SPTLC2: variants seen among roughly 807,000 people sequenced by gnomAD.
The protein encoded by SPTLC2 is serine palmitoyltransferase 2.
A neutral mutation model predicts 62.0 loss-of-function variants in SPTLC2; 21 were observed. The ratio of observed to expected loss-of-function variants is 0.34; its 90% confidence interval spans 0.24 to 0.49. SPTLC2 has a LOEUF of 0.49. SPTLC2 is among the 20% of genes least tolerant of loss of function. The pLI is 0.99. For synonymous variants in SPTLC2, 261 were observed against 261.8 expected (o/e 1.00, Z 0.03); for missense variants, 511 against 713.0 (o/e 0.72, Z 3.23).
intron 9 of SPTLC2, among the ~76,000 whole-genome samples, chr14:77,551,398 A>G (rs966571079): frequency 1.3e-5 from 2 of 151,342 alleles, no homozygotes; most frequent in East Asian, 3.9e-4. Flanking sequence ...CTCAAAAAAA[A>G]AAAAAAAAAA....
At chr14:77,542,324 A>T (rs1001509269) in intron 9 of SPTLC2, among the ~76,000 whole-genome samples, 2 of 152,208 alleles carry the variant, frequency 1.3e-5, no homozygotes, top group Admixed American at 1.3e-4. Flanking sequence ...AACAGGACAG[A>T]TTGATTTTAA....
Position 77,513,828 on chromosome 14 carries a change from G to A in SPTLC2, c.1570-1425C>T, listed in dbSNP as rs189341632. On this transcript the variant is annotated intron_variant, in intron 11 of 11. Coordinates refer to ENST00000216484, the MANE Select transcript of SPTLC2 (RefSeq NM_004863.4). ...GAGAATCGCTTGAACCCAGGGGGCG[G>A]AGGCTGCGGTGAGTTGAGTTCATGC... Among the ~76,000 whole-genome samples the A allele has an allele frequency of 1.3e-3, 190 of 151,774 alleles. 1 individual carries two copies. The highest frequency in any genetic ancestry group is 2.3e-3 in the Non-Finnish European group (154 of 67,988).
At chr14:77,577,854 G>C (rs906700422) in intron 3 of SPTLC2, among the ~76,000 whole-genome samples, 2 of 152,086 alleles carry the variant, frequency 1.3e-5, no homozygotes, top group African/African-American at 4.8e-5. Context: ...AAGCCAAGAT[G>C]GTGCCACTGC....
chr14:77,525,103 T>C (rs919124690), intron 9 of SPTLC2, among the ~76,000 whole-genome samples: 1 of 151,938 alleles, frequency 6.6e-6, no homozygotes, highest in South Asian at 2.1e-4. Context: ...CAAAATATCA[T>C]ATGTACCCCA....
intron 5 of SPTLC2, among the ~76,000 whole-genome samples, chr14:77,568,444 C>T (rs767603248): frequency 7.9e-5 from 12 of 152,180 alleles, no homozygotes; most frequent in Non-Finnish European, 1.6e-4. Flanking sequence ...ATTAGGTCAA[C>T]TGGTTGACAG....
At chr14:77,562,922 C>T (rs1325015679) in intron 5 of SPTLC2, among the ~76,000 whole-genome samples, 1 of 152,182 alleles carries the variant, frequency 6.6e-6, no homozygotes, top group Non-Finnish European at 1.5e-5. Flanking sequence ...CACTACTACT[C>T]ATATCCAGAG....
chr14:77,575,631 G>A lies in SPTLC2; in HGVS notation c.631+1136C>T, dbSNP rs72683276. 3.6e-3 allele frequency among the ~76,000 whole-genome samples: 553 copies of A among 152,270 alleles called. 1 individual carries two copies. Among genetic ancestry groups the A allele is most frequent in the Non-Finnish European group, 6.5e-3 (442 of 68,020 alleles). ...ACTGCAGCCTCAAACTCCTTGGCTC[G>A]AGGGATGCTCTGGCCTCAGCCTCCT... On this transcript the variant is annotated intron_variant, in intron 4 of 11. Coordinates refer to ENST00000216484, the MANE Select transcript of SPTLC2 (RefSeq NM_004863.4).
rs969662841 is a variant in SPTLC2 at position 77,510,777 on chromosome 14, A to T, written c.*1507T>A. 6.6e-6 allele frequency: 1 copy of T among 152,484 alleles called. No individual in the cohort carries two copies. Among genetic ancestry groups the T allele is most frequent in the Non-Finnish European group, 1.5e-5 (1 of 68,040 alleles). 9.4% of individuals were successfully genotyped at this position (152,484 alleles called of 1,614,324 possible). On this transcript the variant is annotated 3_prime_UTR_variant, in exon 12 of 12. Coordinates refer to ENST00000216484, the MANE Select transcript of SPTLC2 (RefSeq NM_004863.4). ...GTGTGAGCCACCGCACTCGGCCTGTAACATGACTTTCATACACTGTTTTTC... is the reference window on the plus strand; with the variant it reads ...GTGTGAGCCACCGCACTCGGCCTGTTACATGACTTTCATACACTGTTTTTC...
intron 3 of SPTLC2, among the ~76,000 whole-genome samples, chr14:77,577,248 G>A (rs963375282): frequency 6.7e-5 from 10 of 150,350 alleles, no homozygotes; most frequent in Admixed American, 4.1e-4. Flanking sequence ...AGTAACTCCC[G>A]CACATGAGAA....
chr14:77,509,887 TA>T lies in SPTLC2; in HGVS notation c.*2396del. ...AAATAACTTTGTACCAACAAAGTGA[TA>T]TAGATATATTTTAAATGCCGGTACT... is the stretch of plus-strand genomic sequence containing the variant. On this transcript the variant is annotated 3_prime_UTR_variant, in exon 12 of 12. Transcript: ENST00000216484. 2.5e-6 allele frequency: 1 copy of T among 398,468 alleles called. No homozygotes were observed. The allele number at this position is 398,468 out of a possible 1,614,324, so 24.7% of individuals were successfully genotyped here. A position where few individuals can be genotyped will look rare whatever the true frequency, so the allele number is the denominator to read the frequency against.
chr14:77,597,483 T>C, intron 1 of SPTLC2, 103 bp from the exon 2 acceptor site: 1 of 1,166,070 alleles, frequency 8.6e-7, no homozygotes. Flanking sequence ...CTTAAGAATT[T>C]TCTAAGTTCC....
rs138526417 is a variant in SPTLC2, at chr14:77,610,481, T to A, written c.132+5967A>T. Reference sequence around the variant, plus strand: ...TTTTTAATTAAATAGAGATGGGGTCTCGCCACGTTGCCCAGGCTGATCTTG... The same window carrying A: ...TTTTTAATTAAATAGAGATGGGGTCACGCCACGTTGCCCAGGCTGATCTTG... On this transcript the variant is annotated intron_variant, in intron 1 of 11. Coordinates refer to ENST00000216484, the MANE Select transcript of SPTLC2 (RefSeq NM_004863.4). Among the ~76,000 whole-genome samples, 4 of 152,230 alleles carry A rather than the reference T, an allele frequency of 2.6e-5. No individual in the cohort carries two copies. The East Asian group carries it at 7.7e-4, about 29-fold the overall frequency.
intron 4 of SPTLC2, among the ~76,000 whole-genome samples, chr14:77,575,597 T>G (rs2140038162): frequency 6.6e-6 from 1 of 152,324 alleles, no homozygotes; most frequent in Middle Eastern, 3.4e-3. Context: ...AGTAGCACGA[T>G]CATAGCTCAC....
chr14:77,554,969 G>A (rs1021429727), intron 8 of SPTLC2: 11 of 362,288 alleles, frequency 3.0e-5, no homozygotes, highest in South Asian at 2.1e-4. Flanking sequence ...CAACCCCACT[G>A]TTTTTGAAAC....
At chr14:77,594,599 T>TAAAAAC (rs1424277346) in intron 2 of SPTLC2, among the ~76,000 whole-genome samples, 2 of 152,184 alleles carry the variant, frequency 1.3e-5, no homozygotes, top group Non-Finnish European at 2.9e-5. Context: ...TGTCTCTATT[T>TAAAAAC]AAAAACAAAA....
intron 4 of SPTLC2, among the ~76,000 whole-genome samples, chr14:77,576,298 AAG>A (rs2079715332): frequency 6.6e-6 from 1 of 152,234 alleles, no homozygotes; most frequent in Non-Finnish European, 1.5e-5. Flanking sequence ...CAATAATAAA[AAG>A]AGTTTATATT....
At chr14:77,595,141 A>C (rs1652577270) in intron 2 of SPTLC2, among the ~76,000 whole-genome samples, 1 of 152,096 alleles carries the variant, frequency 6.6e-6, no homozygotes. Flanking sequence ...AGGCAGGTGG[A>C]TCGTTTGAGG....
rs112450447 is a variant in SPTLC2 at position 77,573,770 on chromosome 14, G to A, written c.631+2997C>T. Among the ~76,000 whole-genome samples the A allele has an allele frequency of 8.7e-3, 1,317 of 152,184 alleles. 20 individuals carry two copies. The highest frequency in any genetic ancestry group is 0.03 in the African/African-American group (1,246 of 41,504). The stretch of plus-strand genomic sequence containing the variant: ...AGCCTCCCGAGTGGCTGGGATTACA[G>A]GCGTGCACCTTCCATCACGCCCAGC... On this transcript the variant is annotated intron_variant, in intron 4 of 11. Coordinates refer to ENST00000216484, the MANE Select transcript of SPTLC2 (RefSeq NM_004863.4).
At chr14:77,576,239 A>T (rs1197786331) in intron 4 of SPTLC2, among the ~76,000 whole-genome samples, 1 of 152,212 alleles carries the variant, frequency 6.6e-6, no homozygotes, top group Non-Finnish European at 1.5e-5. Context: ...AAATAAATTG[A>T]ATCTCTTTAT....
Sources: gnomAD v4.1 joint callset for allele counts (sites outside exome capture counted in the v4.1 genomes callset) on GRCh38, gnomAD v4.1.1 for gene constraint, MANE v1.5 for transcripts, NCBI Gene and HGNC (gene_info 2026-07-23, HGNC 2026-07-21) for gene names.